Variants in RASEF observed in about 807,000 individuals in gnomAD.
RASEF encodes the protein RAS and EF-hand domain containing.
In RASEF, 68 loss-of-function variants were observed where a neutral mutation model predicts 90.1. That is an observed-to-expected ratio of 0.75 (90% confidence interval 0.62 to 0.92). The LOEUF (loss-of-function observed/expected upper bound fraction) is 0.92, where lower values mean the gene tolerates loss of function less well. Ranked by LOEUF, RASEF falls within the 40% of genes least tolerant of loss-of-function variation. RASEF has a pLI of 0.00. For missense variants in RASEF, 949 were observed against 937.2 expected, an observed-to-expected ratio of 1.01 and a Z score of -0.16; for synonymous variants, 331 against 345.2, an observed-to-expected ratio of 0.96 and a Z score of 0.46.
At chr9:83,123,237 C>CAGAA in the RASEF span, among the ~76,000 whole-genome samples, 18 of 83,428 alleles carry the variant, frequency 2.2e-4, no homozygotes, top group African/African-American at 7.4e-4. Context: ...GAGACTCCAT[C>CAGAA]AAAAAAAAAA....
chr9:83,179,806 A>G, the RASEF span, among the ~76,000 whole-genome samples: 15 of 152,274 alleles, frequency 9.9e-5, no homozygotes, highest in Admixed American at 3.3e-4. Context: ...ACACACACAC[A>G]TACACACACA....
At chr9:83,055,167 TC>T (rs1830079512) in intron 1 of RASEF, 1 of 176,616 alleles carries the variant, frequency 5.7e-6, no homozygotes, top group Admixed American at 5.9e-5. Context: ...TGCAGTTTGA[TC>T]TCAGACTGCT....
At chr9:83,132,554 C>A in the RASEF span, among the ~76,000 whole-genome samples, 1 of 152,092 alleles carries the variant, frequency 6.6e-6, no homozygotes, top group Non-Finnish European at 1.5e-5. Context: ...AGTTTCACAG[C>A]AATACTAAGA....
chr9:83,147,045 T>TATAC, the RASEF span, among the ~76,000 whole-genome samples: 1 of 125,180 alleles, frequency 8.0e-6, no homozygotes, highest in Non-Finnish European at 1.8e-5. Context: ...TATATGTATA[T>TATAC]ATATATATAT....
the RASEF span, among the ~76,000 whole-genome samples, chr9:83,107,883 G>C: frequency 6.6e-6 from 1 of 152,134 alleles, no homozygotes; most frequent in Non-Finnish European, 1.5e-5. Context: ...ACAACAATAT[G>C]AGTGACCCAG....
the RASEF span, among the ~76,000 whole-genome samples, chr9:83,148,845 A>G: frequency 6.6e-6 from 1 of 152,222 alleles, no homozygotes; most frequent in Non-Finnish European, 1.5e-5. Context: ...CGAGAAAACC[A>G]TTCAAATCCA....
At chr9:83,020,051 T>C (rs1001532768) in intron 3 of RASEF, among the ~76,000 whole-genome samples, 9 of 152,170 alleles carry the variant, frequency 5.9e-5, no homozygotes, top group African/African-American at 1.7e-4. Flanking sequence ...ACTTCACATA[T>C]ACTGTACTTT....
In RASEF at chr9:83,046,443, C is replaced by T. The variant is rs76601237; in HGVS notation, c.431+15994G>A. On this transcript the variant is annotated intron_variant, in intron 1 of 16. Transcript: ENST00000376447. ...ACACTAGGCTTTTCTGGAATGTATACACTGTGTTCAAGCAGAAATGCCTAC... is the reference window on the plus strand; with the variant it reads ...ACACTAGGCTTTTCTGGAATGTATATACTGTGTTCAAGCAGAAATGCCTAC... Among the ~76,000 whole-genome samples, 6 of 152,162 alleles carry T rather than the reference C, an allele frequency of 3.9e-5. No homozygotes were observed. The East Asian group carries it at 1.2e-3, about 29-fold the overall frequency.
intron 1 of RASEF, among the ~76,000 whole-genome samples, chr9:83,040,233 C>T (rs1829813750): frequency 6.6e-6 from 1 of 152,156 alleles, no homozygotes; most frequent in African/African-American, 2.4e-5. Context: ...CACTCCACCT[C>T]AGGTTTGTGT....
intron 1 of RASEF, among the ~76,000 whole-genome samples, chr9:83,041,522 T>C (rs1377586991): frequency 6.6e-6 from 1 of 152,206 alleles, no homozygotes; most frequent in African/African-American, 2.4e-5. Context: ...CATTTCCCCT[T>C]TGAAATAAAA....
the RASEF span, among the ~76,000 whole-genome samples, chr9:83,177,568 CT>C: frequency 6.7e-6 from 1 of 150,066 alleles, no homozygotes; most frequent in Admixed American, 6.6e-5. Flanking sequence ...TAAAAAGTTT[CT>C]GGTAAGATGC....
At chr9:83,203,947 T>A in the RASEF span, among the ~76,000 whole-genome samples, 2 of 152,074 alleles carry the variant, frequency 1.3e-5, no homozygotes, top group Non-Finnish European at 2.9e-5. Context: ...CACTGCAGAG[T>A]GCCATTCAAA....
chr9:83,037,443 A>G (rs1036839074), intron 1 of RASEF, among the ~76,000 whole-genome samples: 1 of 152,228 alleles, frequency 6.6e-6, no homozygotes, highest in Non-Finnish European at 1.5e-5. Context: ...GAACGCTATT[A>G]CAAATTCCAT....
the RASEF span, among the ~76,000 whole-genome samples, chr9:83,073,383 C>T: frequency 6.6e-6 from 1 of 152,180 alleles, no homozygotes; most frequent in African/African-American, 2.4e-5. Context: ...ACCACCCCAC[C>T]TTCTACCCCA....
the RASEF span, among the ~76,000 whole-genome samples, chr9:83,196,537 A>G: frequency 1.3e-5 from 2 of 152,178 alleles, no homozygotes; most frequent in Admixed American, 6.5e-5. Flanking sequence ...GCCCCTTGAT[A>G]AGATGAAGAT....
At chr9:83,216,953 TG>T in the RASEF span, among the ~76,000 whole-genome samples, 2 of 152,134 alleles carry the variant, frequency 1.3e-5, no homozygotes, top group African/African-American at 4.8e-5. Flanking sequence ...ACACCAGCTG[TG>T]AAAGCAGCTG....
At chr9:83,176,040 T>G in the RASEF span, among the ~76,000 whole-genome samples, 1 of 152,250 alleles carries the variant, frequency 6.6e-6, no homozygotes, top group Non-Finnish European at 1.5e-5. Context: ...TGTGTATTGT[T>G]CAATTATTCC....
the RASEF span, among the ~76,000 whole-genome samples, chr9:83,151,475 T>C: frequency 2.0e-5 from 3 of 152,196 alleles, no homozygotes; most frequent in Non-Finnish European, 4.4e-5. Flanking sequence ...AGGTAAGGAC[T>C]GAAGCCAGAG....
intron 3 of RASEF, among the ~76,000 whole-genome samples, chr9:83,016,819 G>A (rs533556956): frequency 1.3e-5 from 2 of 152,300 alleles, no homozygotes; most frequent in African/African-American, 2.4e-5. Context: ...CAGAGGTAGC[G>A]TGTCTTACTG....
Sources: gnomAD v4.1 joint callset for allele counts (sites outside exome capture counted in the v4.1 genomes callset) on GRCh38, gnomAD v4.1.1 for gene constraint, MANE v1.5 for transcripts, NCBI Gene and HGNC (gene_info 2026-07-23, HGNC 2026-07-21) for gene names.